Variants in LIMCH1 observed in about 807,000 individuals in gnomAD.
LIMCH1 encodes the protein LIM and calponin homology domains 1, also known as LIM and calponin homology domains-containing protein 1.
A neutral mutation model predicts 176.5 loss-of-function variants in LIMCH1; 113 were observed. The ratio of observed to expected loss-of-function variants is 0.64; its 90% CI spans 0.55 to 0.75. The LOEUF (loss-of-function observed/expected upper bound fraction) is 0.75. Ranked by LOEUF, LIMCH1 falls within the 30% of genes least tolerant of loss-of-function variation. LIMCH1 has a pLI of 0.00. For synonymous variants in LIMCH1, 619 were observed against 645.9 expected (o/e 0.96, Z 0.63); for missense variants, 1,674 against 1,814.9 (o/e 0.92, Z 1.41).
intron 14 of LIMCH1, among the ~76,000 whole-genome samples, chr4:41,639,343 A>G (rs1015703627): frequency 2.6e-5 from 4 of 152,236 alleles, no homozygotes; most frequent in African/African-American, 9.6e-5. Flanking sequence ...AGAGTTAACA[A>G]TGAGGTAGTC....
intron 1 of LIMCH1, among the ~76,000 whole-genome samples, chr4:41,576,661 G>C (rs1333849968): frequency 6.6e-6 from 1 of 152,166 alleles, no homozygotes; most frequent in Non-Finnish European, 1.5e-5. Flanking sequence ...TTCTGCAGTA[G>C]TTAGGAATAG....
intron 1 of LIMCH1, among the ~76,000 whole-genome samples, chr4:41,366,597 T>A (rs2053024763): frequency 6.6e-6 from 1 of 152,076 alleles, no homozygotes; most frequent in Non-Finnish European, 1.5e-5. Context: ...GAACTTTGGT[T>A]TTAAGTGATT....
At chr4:41,547,857 G>GTATATATA (rs1451943342) in intron 1 of LIMCH1, among the ~76,000 whole-genome samples, 41 of 69,978 alleles carry the variant, frequency 5.9e-4, no homozygotes, top group African/African-American at 2.9e-3. Context: ...TATAATTTGT[G>GTATATATA]TGTGTGTATA....
At chr4:41,534,661 T>C (rs1294448267), upstream of LIMCH1, among the ~76,000 whole-genome samples, 1 of 152,220 alleles carries the variant, frequency 6.6e-6, no homozygotes, top group Non-Finnish European at 1.5e-5. Flanking sequence ...ATGGACTATT[T>C]TGAAGTTAAA....
chr4:41,588,204 C>T (rs7441745), intron 1 of LIMCH1, among the ~76,000 whole-genome samples: 52,967 of 151,654 alleles, frequency 0.35, 14,799 homozygotes, highest in African/African-American at 0.78. Context: ...TTTGTTCTTG[C>T]GATAGTTTAC....
chr4:41,625,817 T>C (rs1372877387), intron 7 of LIMCH1, among the ~76,000 whole-genome samples: 2 of 152,080 alleles, frequency 1.3e-5, no homozygotes, highest in Non-Finnish European at 2.9e-5. Context: ...TTTGCATAAA[T>C]ACGAATATTT....
Position 41,538,180 on chromosome 4 carries a change from C to G in LIMCH1, c.-411C>G. 2 of 985,624 alleles carry G rather than the reference C, an allele frequency of 2.0e-6. No homozygotes were observed. The highest frequency in any genetic ancestry group is 2.4e-6 in the Non-Finnish European group (2 of 830,018). 61.1% of individuals were successfully genotyped at this position (985,624 alleles called of 1,614,324 possible). A position where few individuals can be genotyped will look rare whatever the true frequency, so the allele number is the denominator to read the frequency against. ...TCAGCATTTCAGCCGCAGCAGCCTG[C>G]TTGTGGACAGAGCAGGGGTTGGCAG... is the stretch of plus-strand genomic sequence containing the variant. On this transcript the variant is annotated 5_prime_UTR_variant, in exon 1 of 32. Coordinates refer to ENST00000503057, the MANE Select transcript of LIMCH1 (RefSeq NM_001330672.2).
chr4:41,694,787 G>A (rs114610301), intron 31 of LIMCH1, among the ~76,000 whole-genome samples: 4 of 152,022 alleles, frequency 2.6e-5, no homozygotes, highest in South Asian at 4.1e-4. Flanking sequence ...GACGTAAAAG[G>A]CATGTGCTTT....
At chr4:41,684,039 A>G (rs1718517034) in intron 26 of LIMCH1, among the ~76,000 whole-genome samples, 1 of 152,148 alleles carries the variant, frequency 6.6e-6, no homozygotes. Flanking sequence ...GAAGCCACTG[A>G]AAGGCCAGTG....
chr4:41,694,860 A>T (rs1208000191), intron 31 of LIMCH1, among the ~76,000 whole-genome samples: 2 of 152,082 alleles, frequency 1.3e-5, no homozygotes, highest in Non-Finnish European at 2.9e-5. Flanking sequence ...TGCAAAATGT[A>T]TGAGAGACCC....
chr4:41,506,153 A>C (rs2074136225), intron 2 of LIMCH1, among the ~76,000 whole-genome samples: 1 of 152,224 alleles, frequency 6.6e-6, no homozygotes, highest in South Asian at 2.1e-4. Context: ...GTTAATCTAC[A>C]AATAAGTGAC....
At chr4:41,438,172 T>C (rs2062292184) in intron 1 of LIMCH1, among the ~76,000 whole-genome samples, 3 of 152,148 alleles carry the variant, frequency 2.0e-5, no homozygotes, top group South Asian at 4.1e-4. Context: ...GATATTAAAA[T>C]TGCCCATTTC....
intron 9 of LIMCH1, among the ~76,000 whole-genome samples, chr4:41,630,263 C>A (rs933843681): frequency 6.6e-6 from 1 of 152,078 alleles, no homozygotes; most frequent in Admixed American, 6.5e-5. Flanking sequence ...ACCGTGCAAG[C>A]CCCTTGTATC....
intron 2 of LIMCH1, among the ~76,000 whole-genome samples, chr4:41,522,796 A>T (rs2076248194): frequency 1.3e-5 from 2 of 152,196 alleles, no homozygotes; most frequent in Admixed American, 1.3e-4. Context: ...AATTTTCTGA[A>T]CTATAAAATG....
Position 41,626,699 on chromosome 4 carries a change from C to T in LIMCH1, c.726-9C>T. The T allele has an allele frequency of 6.5e-7, 1 of 1,532,200 alleles. No individual in the cohort carries two copies. The highest frequency in any genetic ancestry group is 8.7e-7 in the Non-Finnish European group (1 of 1,143,938). The allele number at this position is 1,532,200 out of a possible 1,614,324, so 94.9% of individuals were successfully genotyped here. ...ACATGTGGAGTCCCATTTAATTTTC[C>T]CCTATCAGTCAAAAACAATTAAGTG... On this transcript the variant is annotated splice_polypyrimidine_tract_variant and intron_variant, in intron 7 of 31. Coordinates refer to ENST00000503057, the MANE Select transcript of LIMCH1 (RefSeq NM_001330672.2).
At chr4:41,624,391 T>C (rs1252678761) in intron 7 of LIMCH1, among the ~76,000 whole-genome samples, 1 of 151,966 alleles carries the variant, frequency 6.6e-6, no homozygotes, top group African/African-American at 2.4e-5. Context: ...GTGCCAGACA[T>C]GGATTCCTCT....
rs1046216899 is a variant in LIMCH1, at chr4:41,608,921, A to G, written c.9+2917A>G. 2.0e-5 allele frequency among the ~76,000 whole-genome samples: 3 copies of G among 152,288 alleles called. No homozygotes were observed. The East Asian group carries it at 5.8e-4, about 29-fold the overall frequency. ...CTATAGGCAAACATTCCCTTATAAC[A>G]GGGAGCGTGGCCAGTATCATCCCCA... On this transcript the variant is annotated intron_variant, in intron 4 of 31. Coordinates refer to ENST00000503057, the MANE Select transcript of LIMCH1 (RefSeq NM_001330672.2).
intron 31 of LIMCH1, chr4:41,692,610 A>C: frequency 2.3e-6 from 1 of 438,334 alleles, no homozygotes; most frequent in Non-Finnish European, 4.2e-6. Flanking sequence ...GTGCATCAGC[A>C]CACCAGCAGG....
chr4:41,687,409 C>G (rs1421567096), intron 28 of LIMCH1, among the ~76,000 whole-genome samples: 1 of 152,140 alleles, frequency 6.6e-6, no homozygotes, highest in Non-Finnish European at 1.5e-5. Flanking sequence ...TATCTCTGGG[C>G]TCTCCTTGAA....
Sources: allele counts gnomAD v4.1 joint callset (sites outside exome capture counted in the v4.1 genomes callset), GRCh38; gene constraint gnomAD v4.1.1; transcripts MANE v1.5; gene names NCBI Gene and HGNC (gene_info 2026-07-23, HGNC 2026-07-21).